TENM2: variants seen among roughly 807,000 people sequenced by gnomAD.
TENM2 encodes the protein teneurin-2.
A neutral mutation model predicts 245.2 loss-of-function variants in TENM2; 52 were observed. The observed-to-expected ratio is 0.21, with a 90% CI of 0.17 to 0.27. TENM2 has a LOEUF of 0.27. Ranked by LOEUF, TENM2 falls within the 10% of genes least tolerant of loss-of-function variation. The pLI is 1.00. For synonymous variants in TENM2, 1,363 were observed against 1,438.9 expected, an observed-to-expected ratio of 0.95 and a Z score of 1.19; for missense variants, 3,046 against 3,666.8, an observed-to-expected ratio of 0.83 and a Z score of 4.37.
At chr5:167,603,385 G>T (rs953972947) in intron 2 of TENM2, among the ~76,000 whole-genome samples, 1 of 152,132 alleles carries the variant, frequency 6.6e-6, no homozygotes, top group Admixed American at 6.5e-5. Flanking sequence ...CTTACAGGAT[G>T]TTTAAAAATA....
intron 2 of TENM2, among the ~76,000 whole-genome samples, chr5:167,392,722 C>T (rs976780136): frequency 2.6e-5 from 4 of 152,118 alleles, no homozygotes; most frequent in Non-Finnish European, 5.9e-5. Context: ...AGAAGCCTGA[C>T]TAATATGTTG....
chr5:167,133,238 A>G, the TENM2 span, among the ~76,000 whole-genome samples: 3 of 152,196 alleles, frequency 2.0e-5, no homozygotes, highest in Non-Finnish European at 4.4e-5. Flanking sequence ...TGAGGCCGAC[A>G]CACAGATCCT....
the TENM2 span, among the ~76,000 whole-genome samples, chr5:167,070,801 T>C: frequency 6.6e-6 from 1 of 152,288 alleles, no homozygotes; most frequent in Admixed American, 6.5e-5. Flanking sequence ...CTGTGTTCAC[T>C]GACGATGCTT....
intron 3 of TENM2, among the ~76,000 whole-genome samples, chr5:167,917,036 T>C (rs1380895946): frequency 6.6e-6 from 1 of 152,198 alleles, no homozygotes. Context: ...GGGGAGGTAC[T>C]GTACCGGTGC....
rs200410241 is a variant in TENM2, at chr5:168,244,663, G to A, written c.5764G>A (p.Val1922Met). 9.3e-5 allele frequency: 142 copies of A among 1,527,168 alleles called. No individual in the cohort carries two copies. Among genetic ancestry groups the A allele is most frequent in the Non-Finnish European group, 1.1e-4 (128 of 1,127,806 alleles). The allele number at this position is 1,527,168 out of a possible 1,614,324, so 94.6% of individuals were successfully genotyped here. Reference sequence around the variant, plus strand: ...AGACATCGACAAGCAAGGCCGCATCGTGTCCCGCATGTTCGCTGACGGGAA... The same window carrying A: ...AGACATCGACAAGCAAGGCCGCATCATGTCCCGCATGTTCGCTGACGGGAA... Residue 1922 changes from valine (V) to methionine (M), a missense_variant, in exon 26 of 29, where the codon GTG becomes ATG. Coordinates refer to ENST00000518659, the Ensembl canonical transcript of TENM2. This position sits in a 1 kb window ranked among gnomAD's most constrained non-coding sequence, Gnocchi z 4.9.
rs1429562279 is a variant in TENM2 at position 167,382,863 on chromosome 5, T to C, written c.502+7390T>C. The stretch of plus-strand genomic sequence containing the variant: ...CAAAAAGGATCTTTGAAAGGAATTT[T>C]TAAAGAAGAAAATTGGTGTTTGAAA... On this transcript the variant is annotated intron_variant, in intron 2 of 28. Coordinates refer to ENST00000518659, the Ensembl canonical transcript of TENM2. 5.9e-5 allele frequency among the ~76,000 whole-genome samples: 9 copies of C among 152,286 alleles called. No homozygotes were observed. In the East Asian group the frequency reaches 1.7e-3, roughly 29 times the overall value.
Position 167,853,289 on chromosome 5 carries a change from C to CAAAAAAAAAAAAAAAAAAAAAAAAAA in TENM2, c.503-22674_503-22673insAAAAAAAAAAAAAAAAAAAAAAAAAA, listed in dbSNP as rs777170514. On this transcript the variant is annotated intron_variant, in intron 2 of 28. Coordinates refer to ENST00000518659, the Ensembl canonical transcript of TENM2. ...TGGGAGACAGAGCGAGACTCCGTCT[C>CAAAAAAAAAAAAAAAAAAAAAAAAAA]AAAAAAAAAAAAAAAAAAAAAAAGA... 6.5e-4 allele frequency among the ~76,000 whole-genome samples: 16 copies of CAAAAAAAAAAAAAAAAAAAAAAAAAA among 24,606 alleles called. 2 individuals are homozygous for CAAAAAAAAAAAAAAAAAAAAAAAAAA. Among genetic ancestry groups the CAAAAAAAAAAAAAAAAAAAAAAAAAA allele is most frequent in the Non-Finnish European group, 8.2e-4 (11 of 13,476 alleles). The allele number at this position is 24,606 out of a possible 152,430, so 16.1% of individuals were successfully genotyped here. A position where few individuals can be genotyped will look rare whatever the true frequency, so the allele number is the denominator to read the frequency against.
intron 7 of TENM2, among the ~76,000 whole-genome samples, chr5:168,086,743 T>C (rs976304527): frequency 6.6e-6 from 1 of 152,196 alleles, no homozygotes; most frequent in Non-Finnish European, 1.5e-5. Context: ...AGCATCCCCA[T>C]GTCCCGAATT....
At chr5:168,043,079 T>A (rs1297106302) in intron 5 of TENM2, among the ~76,000 whole-genome samples, 2 of 152,114 alleles carry the variant, frequency 1.3e-5, no homozygotes, top group African/African-American at 4.8e-5. Context: ...CCCAGATGAT[T>A]TGGACCAGGC....
intron 1 of TENM2, among the ~76,000 whole-genome samples, chr5:167,369,658 G>T (rs911987488): frequency 4.5e-5 from 6 of 132,140 alleles, no homozygotes; most frequent in African/African-American, 2.1e-4. Flanking sequence ...GTGGTCATTC[G>T]TGACTTTTCA....
At chr5:167,492,024 A>G (rs953001666) in intron 2 of TENM2, among the ~76,000 whole-genome samples, 5 of 152,190 alleles carry the variant, frequency 3.3e-5, no homozygotes, top group African/African-American at 9.7e-5. Context: ...TAACTATTGC[A>G]TTATTAGTAT....
chr5:167,073,820 G>A, the TENM2 span, among the ~76,000 whole-genome samples: 1 of 152,160 alleles, frequency 6.6e-6, no homozygotes, highest in African/African-American at 2.4e-5. Context: ...ATCTATACAG[G>A]CCATAAGACA....
chr5:168,120,275 A>G (rs1275635663), intron 10 of TENM2, among the ~76,000 whole-genome samples: 1 of 152,176 alleles, frequency 6.6e-6, no homozygotes, highest in African/African-American at 2.4e-5. Flanking sequence ...TAGCCTCCCT[A>G]TGTCTGCATC....
At chr5:167,133,763 G>T in the TENM2 span, among the ~76,000 whole-genome samples, 1 of 150,476 alleles carries the variant, frequency 6.6e-6, no homozygotes, top group Admixed American at 6.6e-5. Flanking sequence ...ACTTACACTT[G>T]TGTCATTATA....
chr5:168,243,380 C>T (rs886137146), intron 25 of TENM2, among the ~76,000 whole-genome samples: 1 of 152,174 alleles, frequency 6.6e-6, no homozygotes, highest in Non-Finnish European at 1.5e-5. Context: ...ATCAGTTCAT[C>T]CCTTTGTTGG....
At chr5:167,024,425 G>C in the TENM2 span, among the ~76,000 whole-genome samples, 1 of 152,142 alleles carries the variant, frequency 6.6e-6, no homozygotes, top group African/African-American at 2.4e-5. Context: ...AGTTTGCATC[G>C]CAGTAAGAAA....
chr5:167,974,480 G>A (rs914946996), intron 4 of TENM2, among the ~76,000 whole-genome samples: 7 of 151,620 alleles, frequency 4.6e-5, no homozygotes, highest in African/African-American at 1.5e-4. Flanking sequence ...TAGAAGGAAA[G>A]AGATACATAC....
chr5:167,001,861 G>A, the TENM2 span, among the ~76,000 whole-genome samples: 7 of 151,780 alleles, frequency 4.6e-5, no homozygotes, highest in East Asian at 1.9e-4. Flanking sequence ...AAATCTCTTC[G>A]GAGTCTCCAA....
intron 2 of TENM2, among the ~76,000 whole-genome samples, chr5:167,378,440 G>A (rs1760900453): frequency 6.9e-6 from 1 of 145,276 alleles, no homozygotes; most frequent in Non-Finnish European, 1.5e-5. Flanking sequence ...CATTGATTTA[G>A]CCTCTGCATT....
Sources: allele counts gnomAD v4.1 joint callset (sites outside exome capture counted in the v4.1 genomes callset), GRCh38; gene constraint gnomAD v4.1.1; non-coding constraint Gnocchi (gnomAD v3.1); transcripts MANE v1.5; gene names NCBI Gene and HGNC (gene_info 2026-07-23, HGNC 2026-07-21).